The following C2orf49 variants were observed in gnomAD, a reference collection of about 807,000 sequenced individuals.
C2orf49 encodes the protein tRNA splicing ligase complex subunit 2.
In C2orf49, 11 loss-of-function variants were observed where a neutral mutation model predicts 20.6. The ratio of observed to expected loss-of-function variants is 0.53; its 90% CI spans 0.34 to 0.88. The LOEUF is 0.88. C2orf49 is among the 40% of genes least tolerant of loss of function. The probability of loss-of-function intolerance (pLI) is 0.02; values close to 1 mark genes in which losing one functional copy is unlikely to be tolerated. For synonymous variants in C2orf49, 134 were observed against 108.5 expected (o/e 1.24, Z -1.46); for missense variants, 289 against 274.2 (o/e 1.05, Z -0.38).
In C2orf49 at chr2:105,345,350, A is replaced by G; in HGVS notation, c.678A>G (p.Ile226Met). ...AGCCCCCACAAGCAAAAAGGAAGAT[A>G]CAACATGTTACTTGGCCCTGAAGAA... The part of the protein sequence containing the change: ...NLKPPQAKRK[I>M]QHVTWP Residue 226 changes from isoleucine (I) to methionine (M), a missense_variant, in exon 4 of 4, where the codon ATA (isoleucine) becomes ATG (methionine). Physicochemically the swap from Ile to Met is conservative, Grantham distance 10. Coordinates refer to ENST00000258457, the MANE Select transcript of C2orf49 (RefSeq NM_024093.3). The G allele has an allele frequency of 6.2e-7, 1 of 1,613,390 alleles. No individual in the cohort carries two copies. Among genetic ancestry groups the G allele is most frequent in the South Asian group, 1.1e-5 (1 of 90,772 alleles).
chr2:105,355,755 T>G, the C2orf49 span, among the ~76,000 whole-genome samples: 1 of 148,532 alleles, frequency 6.7e-6, no homozygotes, highest in Non-Finnish European at 1.5e-5. Context: ...GTTATATAGC[T>G]CAGGAGAAAA....
chr2:105,369,082 T>G, the C2orf49 span, among the ~76,000 whole-genome samples: 2 of 152,212 alleles, frequency 1.3e-5, no homozygotes, highest in Non-Finnish European at 2.9e-5. Flanking sequence ...GACTGTATGG[T>G]CCACAAAGCC....
At position 105,347,840 on chromosome 2, in the gene C2orf49, A is replaced by G. The variant is rs1028136356; in HGVS notation, c.*2469A>G. ...AACAACTTTAGAATACTAGTTACTC[A>G]CTAACATGAGGCGGGTAATGTTGCT... On this transcript the variant is annotated 3_prime_UTR_variant, in exon 4 of 4. Coordinates refer to ENST00000258457, the MANE Select transcript of C2orf49 (RefSeq NM_024093.3). 4 of 152,212 alleles carry G rather than the reference A, an allele frequency of 2.6e-5. No individual in the cohort carries two copies. Among genetic ancestry groups the G allele is most frequent in the Non-Finnish European group, 4.4e-5 (3 of 68,048 alleles). The allele number at this position is 152,212 out of a possible 1,614,324, so 9.4% of individuals were successfully genotyped here.
the C2orf49 span, chr2:105,361,080 G>T: frequency 4.3e-6 from 2 of 463,846 alleles, no homozygotes; most frequent in Non-Finnish European, 3.8e-6. Context: ...CCCACCTAGG[G>T]CCTAGGGCGA....
the C2orf49 span, chr2:105,373,960 A>G: frequency 3.5e-6 from 2 of 567,654 alleles, no homozygotes; most frequent in Non-Finnish European, 6.3e-6. Flanking sequence ...ACAGATGTGC[A>G]TGTATGCACA....
rs560244087 is a variant in C2orf49 at position 105,343,092 on chromosome 2, G to T, written c.511G>T (p.Ala171Ser). Residue 171 changes from alanine (A) to serine (S), a missense_variant, in exon 3 of 4, where the codon GCT (alanine) becomes TCT (serine). Transcript: ENST00000258457. The stretch of plus-strand genomic sequence containing the variant: ...TAAAACGGAACACAATAATAATGAC[G>T]CTAAACAGAACCATGACTTAACGCA... ...NNKTEHNNND[A>S]KQNHDLTHRK... 7 of 1,614,150 alleles carry T rather than the reference G, an allele frequency of 4.3e-6. No individual in the cohort carries two copies. The highest frequency in any genetic ancestry group is 5.1e-6 in the Non-Finnish European group (6 of 1,180,052).
chr2:105,375,311 A>T, the C2orf49 span: 2 of 152,220 alleles, frequency 1.3e-5, no homozygotes, highest in Non-Finnish European at 2.9e-5. Flanking sequence ...GACAGTCATG[A>T]CTATGGCCTT....
In C2orf49 at chr2:105,343,228, G is replaced by A. The variant is rs1679721220; in HGVS notation, c.642+5G>A. On this transcript the variant is annotated splice_donor_5th_base_variant and intron_variant, in intron 3 of 3. Transcript: ENST00000258457. ...AAAGAAGAGGCAGAGGCCATGGTAAGTATGGGGGTGGTTTCCATGCTGGTA... is the reference window on the plus strand; with the variant it reads ...AAAGAAGAGGCAGAGGCCATGGTAAATATGGGGGTGGTTTCCATGCTGGTA... 3 of 1,562,652 alleles carry A rather than the reference G, an allele frequency of 1.9e-6. No individual in the cohort carries two copies. The highest frequency in any genetic ancestry group is 1.2e-5 in the South Asian group (1 of 83,668).
At chr2:105,353,211 C>T (rs1679979492), downstream of C2orf49, among the ~76,000 whole-genome samples, 1 of 152,080 alleles carries the variant, frequency 6.6e-6, no homozygotes, top group South Asian at 2.1e-4. Context: ...GGACAGAGTC[C>T]TCATGGCCTA....
the C2orf49 span, among the ~76,000 whole-genome samples, chr2:105,379,458 A>G: frequency 7.2e-5 from 11 of 152,302 alleles, no homozygotes; most frequent in Admixed American, 7.2e-4. Context: ...TTCATTTTAA[A>G]TCTAAAATTC....
chr2:105,377,887 G>T, the C2orf49 span: 1 of 370,168 alleles, frequency 2.7e-6, no homozygotes. Context: ...TTACATGGTG[G>T]CTGCCCTGCC....
At chr2:105,382,843 C>T in the C2orf49 span, among the ~76,000 whole-genome samples, 1 of 152,142 alleles carries the variant, frequency 6.6e-6, no homozygotes, top group Non-Finnish European at 1.5e-5. Context: ...TTGTTAAATG[C>T]ACAGTATTAG....
downstream of C2orf49, among the ~76,000 whole-genome samples, chr2:105,351,289 C>G (rs1679925498): frequency 7.3e-6 from 1 of 137,078 alleles, no homozygotes; most frequent in Non-Finnish European, 1.6e-5. Context: ...CTTTTCCCTT[C>G]TAAATGTCAT....
At chr2:105,349,417 G>A (rs1679888086), downstream of C2orf49, among the ~76,000 whole-genome samples, 1 of 152,120 alleles carries the variant, frequency 6.6e-6, no homozygotes, top group Admixed American at 6.5e-5. Context: ...TTAACACATA[G>A]ATTCTTCATT....
chr2:105,367,962 G>T, the C2orf49 span, among the ~76,000 whole-genome samples: 43 of 152,318 alleles, frequency 2.8e-4, no homozygotes, highest in Non-Finnish European at 5.6e-4. Context: ...AACAACACGT[G>T]TACATTTTAG....
At chr2:105,378,158 G>A in the C2orf49 span, 1 of 471,036 alleles carries the variant, frequency 2.1e-6, no homozygotes, top group Non-Finnish European at 4.4e-6. Flanking sequence ...ATGCACATGG[G>A]TCCAAGGCAC....
chr2:105,345,269 C>T (rs927978512), intron 3 of C2orf49, 46 bp from the exon 4 acceptor site: 94 of 1,529,752 alleles, frequency 6.1e-5, no homozygotes, highest in Non-Finnish European at 8.0e-5. Context: ...TAGTTGTTTT[C>T]TGATATTTCT....
chr2:105,375,488 AT>A, the C2orf49 span: 2 of 152,396 alleles, frequency 1.3e-5, no homozygotes, highest in Admixed American at 6.5e-5. Flanking sequence ...AAATACAAAC[AT>A]TAGCCGGGCG....
rs1380725105 is a variant in C2orf49 at position 105,343,012 on chromosome 2, A to T, written c.431A>T (p.Asn144Ile). ...FTSNAFRKLS[N>I]SSSSVSPLIL... ...AGTAATGCCTTTAGAAAATTATCAA[A>T]TTCCTCTTCGAGTGTTTCACCCCTA... is the stretch of plus-strand genomic sequence containing the variant. The change falls in exon 3 of 4, where the codon AAT becomes ATT. Residue 144 changes from asparagine to isoleucine, a missense_variant. By Grantham distance (149) the Asn-to-Ile change is moderately radical. Transcript: ENST00000258457. The T allele has an allele frequency of 6.2e-7, 1 of 1,614,248 alleles. No individual in the cohort carries two copies. Among genetic ancestry groups the T allele is most frequent in the Admixed American group, 1.7e-5 (1 of 60,028 alleles).
Sources: gnomAD v4.1 joint callset for allele counts (sites outside exome capture counted in the v4.1 genomes callset) on GRCh38, gnomAD v4.1.1 for gene constraint, MANE v1.5 for transcripts, NCBI Gene and HGNC (gene_info 2026-07-23, HGNC 2026-07-21) for gene names.